The following SLC22A2 variants were observed in gnomAD, a reference collection of about 807,000 sequenced individuals.
SLC22A2 encodes organic cation transporter 2.
A neutral mutation model predicts 60.5 loss-of-function variants in SLC22A2; 46 were observed. The ratio of observed to expected loss-of-function variants is 0.76; its 90% CI spans 0.60 to 0.97. The LOEUF (loss-of-function observed/expected upper bound fraction) is 0.97, where lower values mean the gene tolerates loss of function less well. Ranked by LOEUF, SLC22A2 falls within the 50% of genes least tolerant of loss-of-function variation. The pLI is 0.00. For synonymous variants in SLC22A2, 303 were observed against 267.0 expected, an observed-to-expected ratio of 1.13 and a Z score of -1.31; for missense variants, 701 against 706.6, an observed-to-expected ratio of 0.99 and a Z score of 0.09.
At chr6:160,238,556 A>T (rs934881136) in intron 9 of SLC22A2, among the ~76,000 whole-genome samples, 5 of 152,218 alleles carry the variant, frequency 3.3e-5, no homozygotes, top group Non-Finnish European at 7.3e-5. Flanking sequence ...AGGATTTTCC[A>T]GTGTGTTGAC....
At chr6:160,233,865 C>T (rs1782867830) in intron 9 of SLC22A2, among the ~76,000 whole-genome samples, 2 of 151,704 alleles carry the variant, frequency 1.3e-5, no homozygotes, top group African/African-American at 4.9e-5. Context: ...TTTCACCACC[C>T]CAAAACTTTA....
chr6:160,254,395 T>C (rs2114872130), intron 2 of SLC22A2, among the ~76,000 whole-genome samples: 1 of 152,334 alleles, frequency 6.6e-6, no homozygotes, highest in South Asian at 2.1e-4. Flanking sequence ...AAATCATTGA[T>C]GAGGAAGTTA....
chr6:160,218,340 C>T (rs544645981), intron 10 of SLC22A2: 75 of 209,338 alleles, frequency 3.6e-4, no homozygotes, highest in African/African-American at 2.4e-3. Flanking sequence ...GAAATAGCAG[C>T]AATAGAAGCA....
intron 10 of SLC22A2, among the ~76,000 whole-genome samples, chr6:160,219,660 T>C (rs1179409609): frequency 6.6e-6 from 1 of 151,644 alleles, no homozygotes; most frequent in Non-Finnish European, 1.5e-5. Context: ...TTTCATAGGG[T>C]TGCTGCAAGG....
At chr6:160,240,581 A>G (rs1450347338) in intron 9 of SLC22A2, among the ~76,000 whole-genome samples, 2 of 152,184 alleles carry the variant, frequency 1.3e-5, no homozygotes, top group Non-Finnish European at 1.5e-5. Context: ...TGTAACAGCT[A>G]TTCATCTGGA....
intron 7 of SLC22A2, among the ~76,000 whole-genome samples, chr6:160,242,703 T>C (rs1483053208): frequency 6.6e-6 from 1 of 151,952 alleles, no homozygotes; most frequent in Non-Finnish European, 1.5e-5. Flanking sequence ...CCCCCACACA[T>C]GCATTCCACC....
intron 2 of SLC22A2, among the ~76,000 whole-genome samples, chr6:160,255,851 T>C (rs1783260773): frequency 6.6e-6 from 1 of 152,178 alleles, no homozygotes; most frequent in Non-Finnish European, 1.5e-5. Context: ...AATGTCTCAT[T>C]GGTCATCAAG....
chr6:160,233,175 AG>A (rs1782852796), intron 9 of SLC22A2, among the ~76,000 whole-genome samples: 1 of 152,020 alleles, frequency 6.6e-6, no homozygotes, highest in African/African-American at 2.4e-5. Context: ...GCCCCGAGTC[AG>A]GAAACTAAAA....
Position 160,241,509 on chromosome 6 carries a change from G to C in SLC22A2, c.1466C>G (p.Thr489Ser), listed in dbSNP as rs142330630. 3 of 1,613,524 alleles carry C rather than the reference G, an allele frequency of 1.9e-6. No individual in the cohort carries two copies. The highest frequency in any genetic ancestry group is 8.5e-7 in the Non-Finnish European group (1 of 1,179,616). The change falls in exon 9 of 11, where the codon ACT (threonine) becomes AGT (serine). Residue 489 changes from threonine (T) to serine (S), a missense_variant. Physicochemically the swap from Thr to Ser is moderately conservative, Grantham distance 58. Transcript: ENST00000366953. The stretch of plus-strand genomic sequence containing the variant: ...CAGCGGGAGCTCAAGCCAGATGTTA[G>C]TGAGCCGGTAGACCAGGAATGGCGT... Reference protein sequence around the residue: ...IITPFLVYRLTNIWLELPLMV... With the variant: ...IITPFLVYRLSNIWLELPLMV...
chr6:160,247,482 C>G (rs536800947), intron 4 of SLC22A2, among the ~76,000 whole-genome samples, 184 bp from the exon 5 acceptor site: 20 of 151,976 alleles, frequency 1.3e-4, no homozygotes, highest in Non-Finnish European at 2.9e-4. Flanking sequence ...TCAGGGATTT[C>G]TAAGCAGAAA....
intron 1 of SLC22A2, among the ~76,000 whole-genome samples, chr6:160,257,438 G>T (rs952568072): frequency 6.6e-6 from 1 of 152,064 alleles, no homozygotes. Context: ...TGTGTGGCCT[G>T]GGGAAAAACC....
intron 9 of SLC22A2, 80 bp downstream of exon 9, chr6:160,241,394 G>A: frequency 1.1e-6 from 1 of 871,048 alleles, no homozygotes; most frequent in African/African-American, 1.6e-5. Context: ...CATGACACCT[G>A]TTTTGAATGA....
chr6:160,221,329 G>A (rs554184283), intron 10 of SLC22A2, among the ~76,000 whole-genome samples: 2 of 152,224 alleles, frequency 1.3e-5, no homozygotes, highest in Non-Finnish European at 2.9e-5. Flanking sequence ...TAATGGAAAA[G>A]AGTTAGGGCT....
At chr6:160,223,187 C>A (rs1302645777) in intron 10 of SLC22A2, among the ~76,000 whole-genome samples, 1 of 152,136 alleles carries the variant, frequency 6.6e-6, no homozygotes, top group Admixed American at 6.5e-5. Context: ...ACTGTATAAA[C>A]AAACTTGTGG....
At position 160,258,691 on chromosome 6, in the gene SLC22A2, A is replaced by T. The variant is rs1453433228; in HGVS notation, c.67T>A (p.Phe23Ile). ...GCCGAGAGCAGAGCCAAGAGGAAAA[A>T]CATTTGCTTCTGGAAAAAGTGAAAC... ...GEFHFFQKQM[F>I]FLLALLSATF... The change falls in exon 1 of 11, where the codon TTT becomes ATT. Residue 23 changes from phenylalanine to isoleucine, a missense_variant. Transcript: ENST00000366953. 6.2e-7 allele frequency: 1 copy of T among 1,606,620 alleles called. No homozygotes were observed. Among genetic ancestry groups the T allele is most frequent in the Non-Finnish European group, 8.5e-7 (1 of 1,176,010 alleles).
intron 1 of SLC22A2, among the ~76,000 whole-genome samples, 185 bp from the exon 2 acceptor site, chr6:160,256,902 C>T (rs2504941): frequency 0.12 from 15,360 of 130,270 alleles, 1,029 homozygotes; most frequent in Non-Finnish European, 0.14. Flanking sequence ...CTCTCTCTCT[C>T]TTTTTTTTTT....
At chr6:160,234,022 T>G (rs1490425499) in intron 9 of SLC22A2, among the ~76,000 whole-genome samples, 3 of 152,198 alleles carry the variant, frequency 2.0e-5, no homozygotes, top group East Asian at 1.9e-4. Flanking sequence ...CACAAAAGAA[T>G]TGAAAATGGC....
At position 160,247,307 on chromosome 6, in the gene SLC22A2, C is replaced by G. The variant is rs747104453; in HGVS notation, c.843-9G>C. 6.7e-7 allele frequency: 1 copy of G among 1,488,100 alleles called. No individual in the cohort carries two copies. Among genetic ancestry groups the G allele is most frequent in the East Asian group, 2.3e-5 (1 of 44,242 alleles). 92.2% of individuals were successfully genotyped at this position (1,488,100 alleles called of 1,614,324 possible). ...GAGACTCAGGTATGCACCTAGGGTA[C>G]AAGGTGAGCGGAGGGCAACTCTTAC... is the stretch of plus-strand genomic sequence containing the variant. On this transcript the variant is annotated splice_polypyrimidine_tract_variant and intron_variant, in intron 4 of 10. Transcript: ENST00000366953.
chr6:160,256,819 C>T, intron 1 of SLC22A2, 102 bp from the exon 2 acceptor site: 2 of 771,290 alleles, frequency 2.6e-6, no homozygotes, highest in African/African-American at 3.4e-5. Flanking sequence ...ATTAAATATT[C>T]CTTGAATTGA....
Sources: gnomAD v4.1 joint callset for allele counts (sites outside exome capture counted in the v4.1 genomes callset) on GRCh38, gnomAD v4.1.1 for gene constraint, MANE v1.5 for transcripts, NCBI Gene and HGNC (gene_info 2026-07-23, HGNC 2026-07-21) for gene names.